Variants in EPG5 observed in about 807,000 individuals in gnomAD.
EPG5 encodes the protein ectopic P-granules 5 autophagy tethering factor.
EPG5 carries 159 observed loss-of-function variants against 302.7 expected under a neutral mutation model. That is an observed-to-expected ratio of 0.53 (90% confidence interval 0.46 to 0.60). The LOEUF is 0.60. Ranked by LOEUF, EPG5 falls within the 20% of genes least tolerant of loss-of-function variation. The probability of loss-of-function intolerance (pLI) is 0.00; values close to 1 mark genes in which losing one functional copy is unlikely to be tolerated. For synonymous variants in EPG5, 1,158 were observed against 1,136.8 expected, an observed-to-expected ratio of 1.02 and a Z score of -0.37; for missense variants, 2,896 against 3,092.4, an observed-to-expected ratio of 0.94 and a Z score of 1.51.
rs2048428569 is a variant in EPG5, at chr18:45,851,924, T to C, written c.*543A>G. On this transcript the variant is annotated 3_prime_UTR_variant, in exon 44 of 44. Coordinates refer to ENST00000282041, the MANE Select transcript of EPG5 (RefSeq NM_020964.3). ...TATTTTACACATGACCCACTTTAAC[T>C]AACTCGGCATTTTTATCTCCCTTCT... 1 of 152,376 alleles carries C rather than the reference T, an allele frequency of 6.6e-6. No homozygotes were observed. The highest frequency in any genetic ancestry group is 2.4e-5 in the African/African-American group (1 of 41,474). 9.4% of individuals were successfully genotyped at this position (152,376 alleles called of 1,614,324 possible).
intron 9 of EPG5, among the ~76,000 whole-genome samples, chr18:45,942,385 T>G (rs571861192): frequency 6.6e-6 from 1 of 152,278 alleles, no homozygotes; most frequent in South Asian, 2.1e-4. Context: ...GATGGATCAC[T>G]TGAGTCCAGG....
rs2048592824 is a variant in EPG5 at position 45,859,797 on chromosome 18, G to A, written c.7009+307C>T. On this transcript the variant is annotated intron_variant, in intron 40 of 43. Transcript: ENST00000282041. ...TGTTCTGAGGACTATGACTTGGCCT[G>A]TGACACAACACAATTTGCATATCAT... 3.3e-5 allele frequency among the ~76,000 whole-genome samples: 5 copies of A among 152,316 alleles called. No homozygotes were observed. In the South Asian group the frequency reaches 1.0e-3, roughly 32 times the overall value.
At chr18:45,863,488 G>C (rs145566193) in intron 39 of EPG5, among the ~76,000 whole-genome samples, 117 of 152,286 alleles carry the variant, frequency 7.7e-4, no homozygotes, top group African/African-American at 2.7e-3. Flanking sequence ...AAGGTATAAA[G>C]TTAATCTCTT....
intron 8 of EPG5, among the ~76,000 whole-genome samples, chr18:45,943,647 C>A (rs755171748): frequency 1.3e-5 from 2 of 152,126 alleles, no homozygotes; most frequent in Non-Finnish European, 2.9e-5. Flanking sequence ...TCGGGCCAGG[C>A]ACGGTGGCTC....
chr18:45,833,077 C>A, the EPG5 span, among the ~76,000 whole-genome samples: 54 of 152,288 alleles, frequency 3.5e-4, no homozygotes, highest in African/African-American at 1.3e-3. Context: ...GGGGCCCAGA[C>A]CTGCCATTTG....
At chr18:45,954,195 C>T (rs899802374) in intron 2 of EPG5, among the ~76,000 whole-genome samples, 199 bp downstream of exon 2, 2 of 152,224 alleles carry the variant, frequency 1.3e-5, no homozygotes, top group African/African-American at 4.8e-5. Context: ...GGCCCAGTGA[C>T]CATTGTCCCA....
At chr18:45,801,941 C>G in the EPG5 span, among the ~76,000 whole-genome samples, 1 of 152,134 alleles carries the variant, frequency 6.6e-6, no homozygotes. Context: ...CTTTATCACA[C>G]TCTCTGAGGG....
the EPG5 span, among the ~76,000 whole-genome samples, chr18:45,813,621 T>C: frequency 6.6e-6 from 1 of 152,142 alleles, no homozygotes; most frequent in Non-Finnish European, 1.5e-5. Context: ...TGTAGGGACG[T>C]GGATAAAGGT....
chr18:45,838,164 T>C, the EPG5 span, among the ~76,000 whole-genome samples: 1 of 152,202 alleles, frequency 6.6e-6, no homozygotes, highest in Non-Finnish European at 1.5e-5. Context: ...CTGTCCCCAG[T>C]GGCTCTCAGA....
At chr18:45,875,186 A>G (rs1599466526) in intron 35 of EPG5, among the ~76,000 whole-genome samples, 1 of 152,230 alleles carries the variant, frequency 6.6e-6, no homozygotes, top group East Asian at 1.9e-4. Context: ...GAGGACTTAC[A>G]CACCCTCAGC....
At chr18:45,870,871 T>C (rs775941568) in intron 35 of EPG5, 129 bp from the exon 36 acceptor site, 15 of 728,124 alleles carry the variant, frequency 2.1e-5, no homozygotes, top group Admixed American at 3.0e-5. Flanking sequence ...AAGATTTTCA[T>C]GTAGGGAGAG....
At chr18:45,928,746 G>T in intron 13 of EPG5, 123 bp downstream of exon 13, 1 of 858,402 alleles carries the variant, frequency 1.2e-6, no homozygotes, top group Non-Finnish European at 1.7e-6. Flanking sequence ...GTAAATGTTA[G>T]TTCCTTTTAT....
Position 45,948,563 on chromosome 18 carries a change from T to C in EPG5, c.1511A>G (p.His504Arg). The change falls in exon 6 of 44, where the codon CAT becomes CGT. Residue 504 changes from histidine to arginine, a missense_variant. By Grantham distance (29) the His-to-Arg change is conservative. Coordinates refer to ENST00000282041, the MANE Select transcript of EPG5 (RefSeq NM_020964.3). ...AVPFIQIKVL[H>R]NPSGVFHFMQ... Reference sequence around the variant, plus strand: ...AAAATGAAAGACCCCTGATGGGTTATGCAACACTTTGATCTGAAATCAGAA... The same window carrying C: ...AAAATGAAAGACCCCTGATGGGTTACGCAACACTTTGATCTGAAATCAGAA... 3 of 1,613,610 alleles carry C rather than the reference T, an allele frequency of 1.9e-6. No homozygotes were observed. The highest frequency in any genetic ancestry group is 2.5e-6 in the Non-Finnish European group (3 of 1,179,636).
At position 45,916,450 on chromosome 18, in the gene EPG5, G is replaced by A. The variant is rs753035594; in HGVS notation, c.3372C>T (p.Asn1124=). The change falls in exon 18 of 44, where the codon AAC becomes AAT. Residue 1124 remains asparagine, a synonymous_variant. Coordinates refer to ENST00000282041, the MANE Select transcript of EPG5 (RefSeq NM_020964.3). ...ASHGDNVKLL[N]SMIQAHISVS... is the part of the protein sequence containing the mutation. ...GCAAGGCCCTCACCTGGATCATGCT[G>A]TTGAGAAGCTTCACGTTGTCCCCAT... 2 of 1,612,798 alleles carry A rather than the reference G, an allele frequency of 1.2e-6. No individual in the cohort carries two copies. The highest frequency in any genetic ancestry group is 8.5e-7 in the Non-Finnish European group (1 of 1,178,962).
chr18:45,840,116 C>G, the EPG5 span: 4 of 1,422,206 alleles, frequency 2.8e-6, no homozygotes, highest in African/African-American at 2.8e-5. Flanking sequence ...GTGGTTTCCT[C>G]GAGACCCCTT....
downstream of EPG5, among the ~76,000 whole-genome samples, chr18:45,844,461 T>C (rs567115433): frequency 6.6e-6 from 1 of 152,334 alleles, no homozygotes; most frequent in East Asian, 1.9e-4. Flanking sequence ...CGCCAATCCC[T>C]GATTTGATCA....
At chr18:45,880,252 A>T (rs1452614036) in intron 31 of EPG5, 29 bp from the exon 32 acceptor site, 1 of 1,538,706 alleles carries the variant, frequency 6.5e-7, no homozygotes, top group African/African-American at 1.4e-5. Flanking sequence ...AGAGCAAGTC[A>T]GTGGCTTTCC....
intron 1 of EPG5, among the ~76,000 whole-genome samples, chr18:45,956,838 T>G (rs553450758): frequency 1.3e-5 from 2 of 152,208 alleles, no homozygotes; most frequent in Non-Finnish European, 2.9e-5. Flanking sequence ...GTCTCTGTAT[T>G]ATATTTGCAA....
chr18:45,871,040 T>C (rs1465979501), intron 35 of EPG5, among the ~76,000 whole-genome samples: 1 of 152,228 alleles, frequency 6.6e-6, no homozygotes, highest in Non-Finnish European at 1.5e-5. Context: ...CTACAGCTTG[T>C]TGCCCTCAGT....
Sources: allele counts gnomAD v4.1 joint callset (sites outside exome capture counted in the v4.1 genomes callset), GRCh38; gene constraint gnomAD v4.1.1; transcripts MANE v1.5; gene names NCBI Gene and HGNC (gene_info 2026-07-23, HGNC 2026-07-21).